The following BICD1 variants were observed in gnomAD, a reference collection of about 807,000 sequenced individuals.
The protein encoded by BICD1 is BICD cargo adaptor 1, also known as protein bicaudal D homolog 1.
In BICD1, 35 loss-of-function variants were observed where a neutral mutation model predicts 92.5. That is an observed-to-expected ratio of 0.38 (90% CI 0.29 to 0.50). The LOEUF is 0.50. Among genes scored for constraint, BICD1 ranks in the 20% least tolerant of loss-of-function variants. The pLI is 0.93. For missense variants in BICD1, 950 were observed against 1,189.8 expected (o/e 0.80, Z 2.97); for synonymous variants, 429 against 465.1 (o/e 0.92, Z 1.00).
Position 32,216,241 on chromosome 12 carries a change from C to A in BICD1, c.214-6C>A, listed in dbSNP as rs1457225523. 6.2e-7 allele frequency: 1 copy of A among 1,612,620 alleles called. No individual in the cohort carries two copies. Among genetic ancestry groups the A allele is most frequent in the South Asian group, 1.1e-5 (1 of 90,948 alleles). ...TGTACTCTTTTTCTTCCCATATACT[C>A]TGCAGGCATTTGGGCAGTCCTTCTC... On this transcript the variant is annotated splice_polypyrimidine_tract_variant and splice_region_variant and intron_variant, in intron 1 of 9. Coordinates refer to ENST00000652176, the MANE Select transcript of BICD1 (RefSeq NM_001714.4).
chr12:32,197,779 C>T (rs1944767365), intron 1 of BICD1, among the ~76,000 whole-genome samples: 6 of 152,104 alleles, frequency 3.9e-5, no homozygotes, highest in Admixed American at 3.9e-4. Context: ...TTTCACCCAG[C>T]AAGAGTTAGG....
intron 1 of BICD1, among the ~76,000 whole-genome samples, chr12:32,171,534 C>T (rs1201058068): frequency 2.6e-5 from 4 of 152,156 alleles, no homozygotes. Flanking sequence ...TCAGTTGGGG[C>T]ACCTTGTCTG....
chr12:32,339,628 C>T, intron 8 of BICD1: 1 of 985,200 alleles, frequency 1.0e-6, no homozygotes, highest in Non-Finnish European at 1.2e-6. Flanking sequence ...TATGAAGAGG[C>T]CTAACTTGAA....
chr12:32,173,047 T>G (rs891374187), intron 1 of BICD1, among the ~76,000 whole-genome samples: 3 of 142,812 alleles, frequency 2.1e-5, no homozygotes, highest in Non-Finnish European at 4.8e-5. Context: ...GAGGCAGAGT[T>G]TTTTTTTTTG....
chr12:32,348,618 C>A (rs905835921), intron 8 of BICD1, among the ~76,000 whole-genome samples: 5 of 151,338 alleles, frequency 3.3e-5, no homozygotes, highest in Non-Finnish European at 5.9e-5. Flanking sequence ...CAGGGAGGAA[C>A]AGGTGGGCTG....
intron 1 of BICD1, among the ~76,000 whole-genome samples, chr12:32,176,290 CA>C (rs1944087618): frequency 6.6e-6 from 1 of 152,058 alleles, no homozygotes; most frequent in Non-Finnish European, 1.5e-5. Context: ...GAGAAATTGT[CA>C]AACTATTTTC....
intron 2 of BICD1, among the ~76,000 whole-genome samples, chr12:32,278,804 C>T (rs1364245516): frequency 6.6e-6 from 1 of 152,054 alleles, no homozygotes; most frequent in East Asian, 1.9e-4. Flanking sequence ...TGCAGTGAGC[C>T]GAGATTGCGC....
At chr12:32,119,441 A>T (rs1942063468) in intron 1 of BICD1, among the ~76,000 whole-genome samples, 1 of 152,212 alleles carries the variant, frequency 6.6e-6, no homozygotes, top group Non-Finnish European at 1.5e-5. Flanking sequence ...GGGAGAGTTA[A>T]ATCACTCATT....
chr12:32,277,356 T>C (rs562382695), intron 2 of BICD1, among the ~76,000 whole-genome samples: 191 of 152,326 alleles, frequency 1.3e-3, no homozygotes, highest in Non-Finnish European at 2.1e-3. Context: ...ATCATGCCAC[T>C]GCACTCCAGC....
intron 8 of BICD1, among the ~76,000 whole-genome samples, chr12:32,348,584 A>T (rs1176304684): frequency 2.0e-5 from 3 of 151,806 alleles, no homozygotes; most frequent in African/African-American, 7.3e-5. Context: ...GGCCTTCAGA[A>T]GGTGGCTGTT....
intron 1 of BICD1, among the ~76,000 whole-genome samples, chr12:32,208,391 A>G (rs1385110653): frequency 1.3e-5 from 2 of 152,238 alleles, no homozygotes; most frequent in African/African-American, 4.8e-5. Context: ...GAAAGAAGCT[A>G]TTATTATCCC....
intron 2 of BICD1, among the ~76,000 whole-genome samples, chr12:32,232,105 T>TA (rs1945910639): frequency 6.6e-6 from 1 of 151,358 alleles, no homozygotes; most frequent in African/African-American, 2.4e-5. Flanking sequence ...ATATACCCAG[T>TA]AATGGGATGG....
intron 9 of BICD1, among the ~76,000 whole-genome samples, chr12:32,371,851 G>T (rs1210122537): frequency 6.6e-6 from 1 of 152,114 alleles, no homozygotes; most frequent in Non-Finnish European, 1.5e-5. Context: ...GCCTCCTAAA[G>T]TACTGGGGTT....
chr12:32,200,721 C>T (rs1944882136), intron 1 of BICD1, among the ~76,000 whole-genome samples: 1 of 152,040 alleles, frequency 6.6e-6, no homozygotes, highest in South Asian at 2.1e-4. Context: ...TTGTACTGAA[C>T]CTTATATGCA....
At chr12:32,247,670 A>G (rs1303007086) in intron 2 of BICD1, among the ~76,000 whole-genome samples, 1 of 151,944 alleles carries the variant, frequency 6.6e-6, no homozygotes, top group African/African-American at 2.4e-5. Flanking sequence ...CACTCTAGCC[A>G]GTAGTCCCAG....
At chr12:32,296,451 G>A (rs976994918) in intron 3 of BICD1, among the ~76,000 whole-genome samples, 3 of 151,498 alleles carry the variant, frequency 2.0e-5, no homozygotes. Context: ...TAGAGATGGG[G>A]TTTCAACGTG....
chr12:32,234,380 C>T (rs7962593), intron 2 of BICD1, among the ~76,000 whole-genome samples: 21 of 151,640 alleles, frequency 1.4e-4, no homozygotes, highest in East Asian at 3.9e-4. Flanking sequence ...GGCAGATCAC[C>T]GGAGGTCGGG....
chr12:32,191,611 A>T (rs1014318509), intron 1 of BICD1, among the ~76,000 whole-genome samples: 2 of 143,778 alleles, frequency 1.4e-5, no homozygotes, highest in African/African-American at 5.0e-5. Flanking sequence ...TATATATAAT[A>T]CGTATATAAT....
intron 2 of BICD1, among the ~76,000 whole-genome samples, chr12:32,255,012 G>A (rs1946677967): frequency 6.6e-6 from 1 of 152,014 alleles, no homozygotes; most frequent in African/African-American, 2.4e-5. Context: ...CAGACCAGGT[G>A]GCCCAAACAA....
Sources: allele counts gnomAD v4.1 joint callset (sites outside exome capture counted in the v4.1 genomes callset), GRCh38; gene constraint gnomAD v4.1.1; transcripts MANE v1.5; gene names NCBI Gene and HGNC (gene_info 2026-07-23, HGNC 2026-07-21).